Variants in GPR161 observed in about 807,000 individuals in gnomAD.
The protein encoded by GPR161 is G protein-coupled receptor 161.
In GPR161, 25 loss-of-function variants were observed where a neutral mutation model predicts 39.2. That is an observed-to-expected ratio of 0.64 (90% CI 0.47 to 0.89). The LOEUF is 0.89. Ranked by LOEUF, GPR161 falls within the 40% of genes least tolerant of loss-of-function variation. The probability of loss-of-function intolerance (pLI) is 0.00; values close to 1 mark genes in which losing one functional copy is unlikely to be tolerated. For synonymous variants in GPR161, 286 were observed against 276.6 expected, an observed-to-expected ratio of 1.03 and a Z score of -0.34; for missense variants, 547 against 677.8, an observed-to-expected ratio of 0.81 and a Z score of 2.14.
chr1:168,131,253 A>G (rs189851909), intron 1 of GPR161, among the ~76,000 whole-genome samples: 1 of 149,440 alleles, frequency 6.7e-6, no homozygotes, highest in Admixed American at 6.7e-5. Context: ...CCTCCCAACT[A>G]TTGCCAGACT....
At chr1:168,095,598 C>T (rs1002642609) in intron 3 of GPR161, among the ~76,000 whole-genome samples, 5 of 152,196 alleles carry the variant, frequency 3.3e-5, no homozygotes, top group Non-Finnish European at 5.9e-5. Context: ...CAGCCTCACA[C>T]GTACAAGGCC....
At chr1:168,110,478 G>A (rs573943552) in intron 1 of GPR161, among the ~76,000 whole-genome samples, 4 of 127,976 alleles carry the variant, frequency 3.1e-5, no homozygotes, top group Non-Finnish European at 4.7e-5. Context: ...CAGCCTAGAC[G>A]ACAGAGTGAG....
Position 168,085,495 on chromosome 1 carries a change from C to A in GPR161, c.*36G>T. On this transcript the variant is annotated 3_prime_UTR_variant, in exon 6 of 6. Transcript: ENST00000682931. ...TGATGGGAACTCCTCCCCGGGCCAGCCTCTCAGGCTGCAGCCCCACGGCAC... is the reference window on the plus strand; with the variant it reads ...TGATGGGAACTCCTCCCCGGGCCAGACTCTCAGGCTGCAGCCCCACGGCAC... 2 of 1,583,620 alleles carry A rather than the reference C, an allele frequency of 1.3e-6. No homozygotes were observed. Among genetic ancestry groups the A allele is most frequent in the Admixed American group, 1.7e-5 (1 of 58,036 alleles).
In GPR161 at chr1:168,119,245, C is replaced by G. The variant is rs1416503199; in HGVS notation, c.-44-14351G>C. Among the ~76,000 whole-genome samples, 2 of 103,366 alleles carry G rather than the reference C, an allele frequency of 1.9e-5. 1 individual carries two copies. The highest frequency in any genetic ancestry group is 9.5e-5 in the African/African-American group (2 of 21,070). The allele number at this position is 103,366 out of a possible 152,430, so 67.8% of individuals were successfully genotyped here. ...ATATATACGTATATATATATATACA[C>G]ATATATATATACGTATATATATGTG... On this transcript the variant is annotated intron_variant, in intron 1 of 5. Transcript: ENST00000682931.
At position 168,104,807 on chromosome 1, in the gene GPR161, T is replaced by C. The variant is rs1430919938; in HGVS notation, c.44A>G (p.Asn15Ser). ...TTCGCCACCCTCCTCCTCAGTGAGA[T>C]TACTCAGCTCCTTCCTGCAGCTGAG... ...SSLSCRKELS[N>S]LTEEEGGEGG... is the part of the protein sequence containing the mutation. Residue 15 changes from asparagine to serine, a missense_variant, in exon 2 of 6, where the codon AAT (asparagine) becomes AGT (serine). Physicochemically the swap from Asn to Ser is conservative, Grantham distance 46. Coordinates refer to ENST00000682931, the MANE Select transcript of GPR161 (RefSeq NM_001375883.1). The C allele has an allele frequency of 1.2e-6, 2 of 1,613,796 alleles. No individual in the cohort carries two copies. The highest frequency in any genetic ancestry group is 8.5e-7 in the Non-Finnish European group (1 of 1,179,872).
intron 1 of GPR161, among the ~76,000 whole-genome samples, chr1:168,111,046 G>A (rs7546475): frequency 0.068 from 10,280 of 152,152 alleles, 502 homozygotes; most frequent in Non-Finnish European, 0.093. Context: ...TAGAAGAAAC[G>A]TCCGAGGAAA....
chr1:168,086,574 G>A lies in GPR161; in HGVS notation c.1325-778C>T, dbSNP rs1694518116. On this transcript the variant is annotated intron_variant, in intron 5 of 5. Transcript: ENST00000682931. ...ACTCATGGCAGGGGAGGACCCCCTG[G>A]CAGTGCCTTGCTCTTGCACCACCTG... Among the ~76,000 whole-genome samples the A allele has an allele frequency of 2.6e-5, 4 of 152,174 alleles. 1 individual carries two copies. In the South Asian group the frequency reaches 6.2e-4, roughly 24 times the overall value.
At chr1:168,132,107 A>G (rs962326901) in intron 1 of GPR161, among the ~76,000 whole-genome samples, 9 of 152,156 alleles carry the variant, frequency 5.9e-5, no homozygotes, top group Admixed American at 1.3e-4. Context: ...TCTACTAAAA[A>G]TACAAAAATT....
intron 5 of GPR161, 87 bp from the exon 6 acceptor site, chr1:168,085,883 C>T: frequency 8.1e-7 from 1 of 1,228,058 alleles, no homozygotes; most frequent in Non-Finnish European, 1.1e-6. Context: ...CTCCACCACC[C>T]CGGGGAGGGA....
chr1:168,111,159 AG>A (rs1697136995), intron 1 of GPR161, among the ~76,000 whole-genome samples: 1 of 152,228 alleles, frequency 6.6e-6, no homozygotes. Flanking sequence ...GTCCAACAGA[AG>A]GGCAGCAGGC....
Position 168,081,841 on chromosome 1 carries a change from C to G in GPR161, c.*3690G>C, listed in dbSNP as rs1694094562. The G allele has an allele frequency of 6.6e-6, 1 of 152,522 alleles. No homozygotes were observed. Among genetic ancestry groups the G allele is most frequent in the Non-Finnish European group, 1.5e-5 (1 of 68,184 alleles). 9.4% of individuals were successfully genotyped at this position (152,522 alleles called of 1,614,324 possible). A position where few individuals can be genotyped will look rare whatever the true frequency, so the allele number is the denominator to read the frequency against. ...CCCACAGAAGGCAGTCACATGCCAG[C>G]TCACTGCCTCCTCTTTATAGCCACA... On this transcript the variant is annotated 3_prime_UTR_variant, in exon 6 of 6. Coordinates refer to ENST00000682931, the MANE Select transcript of GPR161 (RefSeq NM_001375883.1).
chr1:168,137,158 C>T (rs1405112294), upstream of GPR161: 4 of 1,386,060 alleles, frequency 2.9e-6, no homozygotes, highest in Non-Finnish European at 3.7e-6. Context: ...CTTTGTCTCG[C>T]CCTTACCCTC....
chr1:168,136,966 C>G (rs1185967896), upstream of GPR161: 191 of 937,660 alleles, frequency 2.0e-4, no homozygotes, highest in East Asian at 3.8e-4. Flanking sequence ...CCGCCCCCCC[C>G]ACGCCCGGCC....
intron 4 of GPR161, chr1:168,087,929 C>T (rs915841386): frequency 3.4e-5 from 16 of 464,784 alleles, no homozygotes; most frequent in Admixed American, 3.1e-4. Context: ...ACAAAAAATG[C>T]AGCCAAGTTA....
chr1:168,103,362 GA>G (rs965725231), intron 2 of GPR161, among the ~76,000 whole-genome samples: 1 of 150,982 alleles, frequency 6.6e-6, no homozygotes, highest in African/African-American at 2.4e-5. Context: ...GATTGTTTCT[GA>G]TGGTTAGATC....
At chr1:168,129,167 G>A (rs1698808168) in intron 1 of GPR161, among the ~76,000 whole-genome samples, 1 of 152,192 alleles carries the variant, frequency 6.6e-6, no homozygotes, top group South Asian at 2.1e-4. Flanking sequence ...TCTGGGTCAG[G>A]GGTGGGTCAT....
At chr1:168,114,695 T>C (rs961442158) in intron 1 of GPR161, 2 of 152,226 alleles carry the variant, frequency 1.3e-5, no homozygotes, top group African/African-American at 2.4e-5. Context: ...CATCTTCCTC[T>C]TAAGAGTTAT....
intron 1 of GPR161, among the ~76,000 whole-genome samples, chr1:168,134,404 T>C (rs1325119141): frequency 6.6e-6 from 1 of 152,086 alleles, no homozygotes; most frequent in Non-Finnish European, 1.5e-5. Flanking sequence ...CATAGACGAG[T>C]ACTGGGTGAA....
intron 1 of GPR161, among the ~76,000 whole-genome samples, chr1:168,130,037 G>T (rs1288160069): frequency 6.6e-6 from 1 of 152,092 alleles, no homozygotes; most frequent in Non-Finnish European, 1.5e-5. Context: ...TGTCTTCCCT[G>T]AGCTCCTCTC....
Sources: allele counts gnomAD v4.1 joint callset (sites outside exome capture counted in the v4.1 genomes callset), GRCh38; gene constraint gnomAD v4.1.1; transcripts MANE v1.5; gene names NCBI Gene and HGNC (gene_info 2026-07-23, HGNC 2026-07-21).